The following SYBU variants were observed in gnomAD, a reference collection of about 807,000 sequenced individuals.
SYBU encodes the protein syntabulin.
A neutral mutation model predicts 35.9 loss-of-function variants in SYBU; 21 were observed. The ratio of observed to expected loss-of-function variants is 0.58; its 90% CI spans 0.41 to 0.84. The LOEUF (loss-of-function observed/expected upper bound fraction) is 0.84, where lower values mean the gene tolerates loss of function less well. Among genes scored for constraint, SYBU ranks in the 40% least tolerant of loss-of-function variants. The pLI is 0.00. For missense variants in SYBU, 768 were observed against 848.2 expected (o/e 0.91, Z 1.17); for synonymous variants, 319 against 324.3 (o/e 0.98, Z 0.18).
rs562340489 is a variant in SYBU, at chr8:109,611,622, A to C, written c.427+7220T>G. On this transcript the variant is annotated intron_variant, in intron 3 of 6. Transcript: ENST00000276646. ...AGATCTATTTCAGTATAAATACAAA[A>C]GCTCTTGCTTAAGCTGACAAACTCT... Among the ~76,000 whole-genome samples the C allele has an allele frequency of 2.0e-5, 3 of 152,336 alleles. No homozygotes were observed. The East Asian group carries it at 5.8e-4, about 29-fold the overall frequency.
At chr8:109,628,723 G>C (rs1586879207) in intron 2 of SYBU, among the ~76,000 whole-genome samples, 2 of 151,984 alleles carry the variant, frequency 1.3e-5, no homozygotes, top group African/African-American at 2.4e-5. Flanking sequence ...GCAGGAGCCT[G>C]AAGTGGGAGG....
chr8:109,576,045 A>T (rs1350242292), intron 6 of SYBU, 32 bp from the exon 7 acceptor site: 14 of 566,922 alleles, frequency 2.5e-5, no homozygotes, highest in African/African-American at 3.8e-4. Context: ...GGTTAATTAA[A>T]AAAAAAAAAA....
At chr8:109,589,149 G>C (rs1823946063) in intron 3 of SYBU, among the ~76,000 whole-genome samples, 1 of 152,102 alleles carries the variant, frequency 6.6e-6, no homozygotes, top group African/African-American at 2.4e-5. Context: ...GACAGAGCAA[G>C]ACTCCATCTC....
intron 4 of SYBU, chr8:109,580,282 T>C: frequency 2.7e-6 from 1 of 377,292 alleles, no homozygotes; most frequent in Non-Finnish European, 4.9e-6. Context: ...GCTAAGAACA[T>C]ACACAATGTA....
chr8:109,628,123 T>C (rs1192067396), intron 2 of SYBU, among the ~76,000 whole-genome samples: 1 of 152,218 alleles, frequency 6.6e-6, no homozygotes, highest in Non-Finnish European at 1.5e-5. Flanking sequence ...AGGGAGGTAA[T>C]GATGAGTGAG....
intron 6 of SYBU, among the ~76,000 whole-genome samples, chr8:109,576,618 G>A (rs58598824): frequency 0.028 from 4,205 of 152,184 alleles, 168 homozygotes; most frequent in African/African-American, 0.09. Context: ...AATGCTACAC[G>A]TGGCAGGGAC....
Position 109,615,630 on chromosome 8 carries a change from A to G in SYBU, c.427+3212T>C, listed in dbSNP as rs868856676. On this transcript the variant is annotated intron_variant, in intron 3 of 6. Coordinates refer to ENST00000276646, the MANE Select transcript of SYBU (RefSeq NM_001099754.2). ...AAAAATAAGCTTTAGGGACCCCTTT[A>G]CCTTGGTTAAATATGAATAAATAAA... Among the ~76,000 whole-genome samples the G allele has an allele frequency of 3.3e-5, 5 of 152,144 alleles. No homozygotes were observed. The South Asian group carries it at 6.2e-4, about 19-fold the overall frequency.
chr8:109,627,351 T>G (rs1302384925), intron 2 of SYBU, among the ~76,000 whole-genome samples: 1 of 152,206 alleles, frequency 6.6e-6, no homozygotes, highest in Non-Finnish European at 1.5e-5. Context: ...TTTTTGAAGA[T>G]AGTTTAATGG....
chr8:109,659,368 C>A (rs987413251), intron 1 of SYBU, among the ~76,000 whole-genome samples: 2 of 152,158 alleles, frequency 1.3e-5, no homozygotes, highest in African/African-American at 4.8e-5. Context: ...TTGGCCTCAG[C>A]ACCTACAAAA....
chr8:109,580,163 G>A, intron 4 of SYBU, 161 bp from the exon 5 acceptor site: 1 of 626,216 alleles, frequency 1.6e-6, no homozygotes, highest in Non-Finnish European at 2.8e-6. Flanking sequence ...CTTCCCACCT[G>A]CCTGGTATTT....
upstream of SYBU, chr8:109,646,914 G>T (rs934424801): frequency 6.6e-6 from 1 of 152,060 alleles, no homozygotes; most frequent in African/African-American, 2.4e-5. Context: ...CATTATCTTC[G>T]TGTAGAGTGT....
intron 2 of SYBU, among the ~76,000 whole-genome samples, chr8:109,639,304 G>A (rs1422991588): frequency 7.4e-6 from 1 of 134,866 alleles, no homozygotes; most frequent in Admixed American, 6.9e-5. Flanking sequence ...TTAAATAAAT[G>A]TTTATAAATG....
chr8:109,612,340 A>C (rs915048860), intron 3 of SYBU, among the ~76,000 whole-genome samples: 1 of 152,160 alleles, frequency 6.6e-6, no homozygotes, highest in Non-Finnish European at 1.5e-5. Context: ...TATCCTTCCA[A>C]ATATTTTCAT....
At chr8:109,648,423 C>T (rs1815938704), upstream of SYBU, among the ~76,000 whole-genome samples, 1 of 151,538 alleles carries the variant, frequency 6.6e-6, no homozygotes, top group East Asian at 1.9e-4. Context: ...ATGATTCCTA[C>T]CTTTCGTATG....
chr8:109,624,466 T>C (rs1169446765), intron 2 of SYBU, among the ~76,000 whole-genome samples: 1 of 152,232 alleles, frequency 6.6e-6, no homozygotes, highest in Admixed American at 6.5e-5. Context: ...AAAATTGCTA[T>C]TTTGCAACCT....
intron 1 of SYBU, among the ~76,000 whole-genome samples, chr8:109,663,973 CAA>C (rs1284491217): frequency 6.6e-6 from 1 of 152,116 alleles, no homozygotes; most frequent in African/African-American, 2.4e-5. Flanking sequence ...AGGACTAATA[CAA>C]ATATGGTATG....
upstream of SYBU, among the ~76,000 whole-genome samples, chr8:109,649,393 C>G (rs1816020361): frequency 6.6e-6 from 1 of 152,168 alleles, no homozygotes; most frequent in Non-Finnish European, 1.5e-5. Context: ...TGCACAAGAT[C>G]ACTCCCCCAG....
intron 4 of SYBU, chr8:109,580,904 C>G (rs898543344): frequency 6.6e-6 from 1 of 152,290 alleles, no homozygotes; most frequent in Admixed American, 6.5e-5. Context: ...CCATGCTTGA[C>G]CATCCTTAGG....
intron 4 of SYBU, among the ~76,000 whole-genome samples, chr8:109,581,625 A>G (rs755896582): frequency 2.0e-5 from 3 of 152,262 alleles, no homozygotes; most frequent in African/African-American, 7.2e-5. Flanking sequence ...GATAGCTTTC[A>G]TATAGTAGTA....
Sources: gnomAD v4.1 joint callset for allele counts (sites outside exome capture counted in the v4.1 genomes callset) on GRCh38, gnomAD v4.1.1 for gene constraint, MANE v1.5 for transcripts, NCBI Gene and HGNC (gene_info 2026-07-23, HGNC 2026-07-21) for gene names.